Variants in SHC2 observed in about 807,000 individuals in gnomAD.
The protein encoded by SHC2 is SHC adaptor protein 2.
In SHC2, 62 loss-of-function variants were observed where a neutral mutation model predicts 60.6. The ratio of observed to expected loss-of-function variants is 1.02; its 90% CI spans 0.83 to 1.26. SHC2 has a LOEUF of 1.26. Among genes scored for constraint, SHC2 ranks in the 50% most tolerant of loss-of-function variants. The probability of loss-of-function intolerance (pLI) is 0.00; values close to 1 mark genes in which losing one functional copy is unlikely to be tolerated. For synonymous variants in SHC2, 375 were observed against 372.4 expected (o/e 1.01, Z -0.08); for missense variants, 873 against 822.2 (o/e 1.06, Z -0.76).
At chr19:423,112 G>C (rs1201469250) in intron 10 of SHC2, among the ~76,000 whole-genome samples, 2 of 151,646 alleles carry the variant, frequency 1.3e-5, no homozygotes, top group Non-Finnish European at 2.9e-5. Flanking sequence ...TCCAGCTCCT[G>C]GTCCTGGGGG....
At chr19:443,774 GTGGATGGA>G (rs560768085) in intron 1 of SHC2, among the ~76,000 whole-genome samples, 3 of 134,938 alleles carry the variant, frequency 2.2e-5, no homozygotes, top group African/African-American at 5.5e-5. Context: ...GGACAGATGG[GTGGATGGA>G]TGGATGGATG....
Position 428,917 on chromosome 19 carries a change from C to T in SHC2, c.1174+1767G>A, listed in dbSNP as rs548694843. On this transcript the variant is annotated intron_variant, in intron 9 of 12. Transcript: ENST00000264554. ...CGCAGTACCTATATCCCAACATGCA[C>T]GGAAACCTCATACCGTGTGGATGAC... Among the ~76,000 whole-genome samples, 73 of 147,254 alleles carry T rather than the reference C, an allele frequency of 5.0e-4. 1 individual carries two copies. The highest frequency in any genetic ancestry group is 2.2e-3 in the Admixed American group (32 of 14,812).
chr19:436,756 G>T, intron 4 of SHC2, 73 bp from the exon 5 acceptor site: 1 of 1,407,362 alleles, frequency 7.1e-7, no homozygotes, highest in South Asian at 1.2e-5. Context: ...GATGGACCAG[G>T]ACCACAGCGA....
At position 430,798 on chromosome 19, in the gene SHC2, T is replaced by C; in HGVS notation, c.1111-51A>G. The C allele has an allele frequency of 1.9e-6, 3 of 1,569,460 alleles. No individual in the cohort carries two copies. The South Asian group carries it at 3.4e-5, about 18-fold the overall frequency. On this transcript the variant is annotated intron_variant, in intron 8 of 12. Coordinates refer to ENST00000264554, the MANE Select transcript of SHC2 (RefSeq NM_012435.3). The stretch of plus-strand genomic sequence containing the variant: ...CCCGGTGTGTGCAAGCCCCTCTTCC[T>C]GGCTCTGGACCCCCAGTCTCCCCGC...
rs73507743 is a variant in SHC2, at chr19:444,386, G to A, written c.469-3454C>T. On this transcript the variant is annotated intron_variant, in intron 1 of 12. Coordinates refer to ENST00000264554, the MANE Select transcript of SHC2 (RefSeq NM_012435.3). ...GATGATGTCTGTGCCAGTGTCTGGC[G>A]CTACAGGGCCATAGGGTGAGGGATT... Among the ~76,000 whole-genome samples the A allele has an allele frequency of 5.1e-3, 774 of 152,202 alleles. 5 individuals are homozygous for A. The highest frequency in any genetic ancestry group is 0.018 in the African/African-American group (732 of 41,502).
chr19:458,701 G>T (rs1282645680), intron 1 of SHC2, among the ~76,000 whole-genome samples: 164 of 135,574 alleles, frequency 1.2e-3, no homozygotes, highest in African/African-American at 4.3e-3. Context: ...TTCCGGGGAG[G>T]CGGAAGCGGG....
rs562149311 is a variant in SHC2 at position 440,114 on chromosome 19, G to C, written c.539+748C>G. Among the ~76,000 whole-genome samples the C allele has an allele frequency of 1.7e-5, 2 of 118,268 alleles. No homozygotes were observed. Among genetic ancestry groups the C allele is most frequent in the Admixed American group, 1.6e-4 (2 of 12,634 alleles). The allele number at this position is 118,268 out of a possible 152,430, so 77.6% of individuals were successfully genotyped here. On this transcript the variant is annotated intron_variant, in intron 2 of 12. Transcript: ENST00000264554. This position sits in a 1 kb window ranked among gnomAD's most constrained non-coding sequence, Gnocchi z 7.0. ...ACGCCATGCTCAGTGAGAGACGCCA[G>C]ACACACGAGGCCACGCAGCGTGTGA...
chr19:438,636 C>T lies in SHC2; in HGVS notation c.720+82G>A, dbSNP rs1173118476. ...ATAAACGCCACCTGCTGCCCGCCCC[C>T]AGCACCCCACCTGGCTTTGCCTCCT... On this transcript the variant is annotated intron_variant, in intron 4 of 12. Coordinates refer to ENST00000264554, the MANE Select transcript of SHC2 (RefSeq NM_012435.3). This position sits in a 1 kb window ranked among gnomAD's most constrained non-coding sequence, Gnocchi z 5.0. 4 of 1,466,606 alleles carry T rather than the reference C, an allele frequency of 2.7e-6. No homozygotes were observed. Among genetic ancestry groups the T allele is most frequent in the Non-Finnish European group, 3.7e-6 (4 of 1,093,274 alleles). The allele number at this position is 1,466,606 out of a possible 1,614,324, so 90.8% of individuals were successfully genotyped here.
chr19:444,962 G>A (rs1433531010), intron 1 of SHC2, among the ~76,000 whole-genome samples: 1 of 152,220 alleles, frequency 6.6e-6, no homozygotes, highest in African/African-American at 2.4e-5. Context: ...ACGGCCCGCA[G>A]AGCTGGGTCC....
intron 7 of SHC2, chr19:435,846 GT>G (rs1974702199): frequency 3.1e-6 from 1 of 319,890 alleles, no homozygotes; most frequent in Non-Finnish European, 6.0e-6. Context: ...GACGGAGGCC[GT>G]TTTCTGCCCA....
intron 8 of SHC2, among the ~76,000 whole-genome samples, chr19:431,107 G>T (rs549230414): frequency 6.6e-6 from 1 of 152,094 alleles, no homozygotes; most frequent in African/African-American, 2.4e-5. Flanking sequence ...CCTCCGGACC[G>T]CCCTACAGAG....
intron 1 of SHC2, among the ~76,000 whole-genome samples, chr19:443,308 GAGTGGATGGGT>G (rs1974954574): frequency 1.4e-5 from 2 of 147,168 alleles, no homozygotes; most frequent in African/African-American, 5.3e-5. Flanking sequence ...GTGGGTGGAT[GAGTGGATGGGT>G]GGATGGATGG....
chr19:436,844 G>C (rs913748809), intron 4 of SHC2, among the ~76,000 whole-genome samples, 161 bp from the exon 5 acceptor site: 2 of 152,168 alleles, frequency 1.3e-5, no homozygotes, highest in Non-Finnish European at 2.9e-5. Flanking sequence ...TCCTGGGTCA[G>C]CCTGGACGAC....
In SHC2 at chr19:455,313, G is replaced by C. The variant is rs557475594; in HGVS notation, c.468+5216C>G. 1.9e-4 allele frequency among the ~76,000 whole-genome samples: 29 copies of C among 152,314 alleles called. 1 individual carries two copies. The South Asian group carries it at 5.8e-3, about 30-fold the overall frequency. ...ATCGCGAGTGCCATGACCCAGGGAAGGGCTCTCGGGCAGCTCTTTGACCTG... is the reference window on the plus strand; with the variant it reads ...ATCGCGAGTGCCATGACCCAGGGAACGGCTCTCGGGCAGCTCTTTGACCTG... On this transcript the variant is annotated intron_variant, in intron 1 of 12. Coordinates refer to ENST00000264554, the MANE Select transcript of SHC2 (RefSeq NM_012435.3).
intron 1 of SHC2, among the ~76,000 whole-genome samples, chr19:452,758 C>T (rs1015066478): frequency 6.6e-6 from 1 of 152,182 alleles, no homozygotes; most frequent in African/African-American, 2.4e-5. Context: ...GCTGGTGGAT[C>T]TCAGACCTGA....
At chr19:426,989 G>A (rs773787553) in intron 9 of SHC2, among the ~76,000 whole-genome samples, 59 of 152,186 alleles carry the variant, frequency 3.9e-4, no homozygotes, top group Non-Finnish European at 4.6e-4. Flanking sequence ...GTGCAAGTGA[G>A]AACAGCCCGG....
rs888019945 is a variant in SHC2 at position 424,706 on chromosome 19, G to T, written c.1309+391C>A. 3.9e-5 allele frequency among the ~76,000 whole-genome samples: 6 copies of T among 152,196 alleles called. No homozygotes were observed. Among genetic ancestry groups the T allele is most frequent in the Admixed American group, 6.5e-5 (1 of 15,286 alleles). On this transcript the variant is annotated intron_variant, in intron 10 of 12. Transcript: ENST00000264554. The surrounding 1 kb of genome is among the most constrained non-coding windows in gnomAD (Gnocchi z 4.5). ...ACAGAGGCAGGTGGGTTACCCCCGA[G>T]AGAGTGGAGCTTCTCACAGAGCGGG...
rs1352820930 is a variant in SHC2 at position 417,238 on chromosome 19, CAGG to C, written c.*87_*89del. The C allele has an allele frequency of 6.5e-6, 1 of 153,168 alleles. No individual in the cohort carries two copies. The highest frequency in any genetic ancestry group is 1.5e-5 in the Non-Finnish European group (1 of 68,690). 9.5% of individuals were successfully genotyped at this position (153,168 alleles called of 1,614,324 possible). On this transcript the variant is annotated 3_prime_UTR_variant, in exon 13 of 13. Coordinates refer to ENST00000264554, the MANE Select transcript of SHC2 (RefSeq NM_012435.3). ...GCGGTGGTTCGGCCTGACCAGGATC[CAGG>C]AGGAGGGCTGAGAGCCCCAAGGCCA...
chr19:456,529 G>C (rs1975346144), intron 1 of SHC2, among the ~76,000 whole-genome samples: 1 of 152,116 alleles, frequency 6.6e-6, no homozygotes, highest in African/African-American at 2.4e-5. Flanking sequence ...CCCCTGGAAG[G>C]GCTTTCAAAA....
Sources: gnomAD v4.1 joint callset for allele counts (sites outside exome capture counted in the v4.1 genomes callset) on GRCh38, gnomAD v4.1.1 for gene constraint, Gnocchi (gnomAD v3.1) non-coding constraint, MANE v1.5 for transcripts, NCBI Gene and HGNC (gene_info 2026-07-23, HGNC 2026-07-21) for gene names.